SHISA6: variants seen among roughly 807,000 people sequenced by gnomAD.
The protein encoded by SHISA6 is shisa family member 6.
In SHISA6, 22 loss-of-function variants were observed where a neutral mutation model predicts 47.9. The observed-to-expected ratio is 0.46, with a 90% CI of 0.33 to 0.66. The LOEUF (loss-of-function observed/expected upper bound fraction) is 0.66, where lower values mean the gene tolerates loss of function less well. Among genes scored for constraint, SHISA6 ranks in the 30% least tolerant of loss-of-function variants. SHISA6 has a pLI of 0.02. For synonymous variants in SHISA6, 388 were observed against 337.8 expected (o/e 1.15, Z -1.63); for missense variants, 680 against 764.6 (o/e 0.89, Z 1.30).
At chr17:11,278,306 T>C (rs1908996631) in intron 2 of SHISA6, among the ~76,000 whole-genome samples, 2 of 152,168 alleles carry the variant, frequency 1.3e-5, no homozygotes, top group Non-Finnish European at 2.9e-5. Context: ...AGCCAAGGCA[T>C]TGGGGAAATC....
chr17:11,379,636 C>A, intron 3 of SHISA6, 127 bp downstream of exon 3: 1 of 621,984 alleles, frequency 1.6e-6, no homozygotes, highest in Non-Finnish European at 2.7e-6. Context: ...TCCATGGCAG[C>A]TTGTCCTGGT....
chr17:11,312,992 G>A (rs535376495), intron 2 of SHISA6, among the ~76,000 whole-genome samples: 2 of 152,214 alleles, frequency 1.3e-5, no homozygotes, highest in Non-Finnish European at 2.9e-5. Flanking sequence ...TGTACCATTT[G>A]CCAATTTCCC....
intron 3 of SHISA6, among the ~76,000 whole-genome samples, chr17:11,408,212 G>T (rs1914019266): frequency 6.6e-6 from 1 of 152,104 alleles, no homozygotes; most frequent in East Asian, 1.9e-4. Flanking sequence ...TCCTCCTTAT[G>T]CCACATGGGA....
intron 3 of SHISA6, among the ~76,000 whole-genome samples, chr17:11,459,055 A>G (rs527919544): frequency 9.3e-4 from 141 of 151,750 alleles, no homozygotes; most frequent in African/African-American, 3.1e-3. Context: ...ACTAAAAAAA[A>G]AAAATGCAAA....
chr17:11,555,921 C>T (rs1354467221), intron 5 of SHISA6, 29 bp downstream of exon 5: 1 of 1,502,594 alleles, frequency 6.7e-7, no homozygotes, highest in African/African-American at 1.4e-5. Context: ...AAGTTGGGGT[C>T]TGTCTCTGGG....
intron 2 of SHISA6, among the ~76,000 whole-genome samples, chr17:11,320,642 G>A (rs1019330197): frequency 1.2e-4 from 16 of 133,188 alleles, no homozygotes; most frequent in African/African-American, 4.4e-4. Flanking sequence ...TGGGCAACAA[G>A]AGCGAAACTC....
intron 3 of SHISA6, among the ~76,000 whole-genome samples, chr17:11,516,216 C>T (rs1250697007): frequency 6.6e-6 from 1 of 152,184 alleles, no homozygotes; most frequent in Non-Finnish European, 1.5e-5. Flanking sequence ...TCTAGTGCTA[C>T]ATAAGGATTG....
At position 11,302,813 on chromosome 17, in the gene SHISA6, G is replaced by A. The variant is rs557444670; in HGVS notation, c.799+39287G>A. ...GCAACAGCCCTACCCAGGGACCGAG[G>A]TTGCTATAGAAACAATATGGGGGTG... On this transcript the variant is annotated intron_variant, in intron 2 of 5. Coordinates refer to ENST00000441885, the MANE Select transcript of SHISA6 (RefSeq NM_207386.4). Among the ~76,000 whole-genome samples, 75 of 151,910 alleles carry A rather than the reference G, an allele frequency of 4.9e-4. 1 individual carries two copies. The highest frequency in any genetic ancestry group is 4.5e-3 in the Admixed American group (68 of 15,262).
intron 2 of SHISA6, among the ~76,000 whole-genome samples, chr17:11,330,370 C>T (rs914120170): frequency 1.3e-5 from 2 of 152,052 alleles, no homozygotes; most frequent in Non-Finnish European, 2.9e-5. Flanking sequence ...CACATCTGTT[C>T]CATCTGTGCT....
At chr17:11,481,497 GT>G (rs1555538537) in intron 3 of SHISA6, among the ~76,000 whole-genome samples, 210 of 77,422 alleles carry the variant, frequency 2.7e-3, no homozygotes, top group Admixed American at 5.2e-3. Flanking sequence ...ACTGAAGTTT[GT>G]TTTTTTTTTT....
chr17:11,391,054 A>G (rs560943603), intron 3 of SHISA6, among the ~76,000 whole-genome samples: 16 of 152,336 alleles, frequency 1.1e-4, no homozygotes, highest in African/African-American at 3.8e-4. Flanking sequence ...ATTACCTTGC[A>G]GGAAAAGAAG....
chr17:11,243,834 C>G (rs1176103895), intron 1 of SHISA6, among the ~76,000 whole-genome samples: 1 of 152,160 alleles, frequency 6.6e-6, no homozygotes, highest in Non-Finnish European at 1.5e-5. Context: ...CTCGTTGATT[C>G]CTACACATCT....
chr17:11,258,627 T>C lies in SHISA6; in HGVS notation c.639-4739T>C, dbSNP rs78962577. 9.5e-4 allele frequency among the ~76,000 whole-genome samples: 145 copies of C among 152,290 alleles called. 3 individuals are homozygous for C. In the East Asian group the frequency reaches 0.026, roughly 28 times the overall value. On this transcript the variant is annotated intron_variant, in intron 1 of 5. Coordinates refer to ENST00000441885, the MANE Select transcript of SHISA6 (RefSeq NM_207386.4). ...TAGATCCTGCCAGACTACTGGGAAA[T>C]GCTTGGAGGAACAGGGCCCTCACTT... is the stretch of plus-strand genomic sequence containing the variant.
intron 3 of SHISA6, among the ~76,000 whole-genome samples, chr17:11,436,616 C>T (rs577051490): frequency 3.9e-4 from 59 of 152,212 alleles, no homozygotes; most frequent in African/African-American, 1.3e-3. Flanking sequence ...TTTTTCTGCT[C>T]GACTTTAAAC....
chr17:11,316,329 C>CTTTTTT (rs66540376), intron 2 of SHISA6, among the ~76,000 whole-genome samples: 11 of 103,648 alleles, frequency 1.1e-4, no homozygotes, highest in East Asian at 3.0e-4. Flanking sequence ...ATTTTCAGGT[C>CTTTTTT]TTTTTTTTTT....
chr17:11,535,557 C>A (rs561958184), intron 3 of SHISA6, among the ~76,000 whole-genome samples: 1 of 152,160 alleles, frequency 6.6e-6, no homozygotes, highest in Non-Finnish European at 1.5e-5. Context: ...CAGTGTGAAC[C>A]TTTGTCCAAG....
At chr17:11,403,283 A>G (rs2142266046) in intron 3 of SHISA6, among the ~76,000 whole-genome samples, 1 of 152,352 alleles carries the variant, frequency 6.6e-6, no homozygotes, top group South Asian at 2.1e-4. Context: ...GCCATCAGGG[A>G]ACAGGATGGA....
chr17:11,449,947 C>T (rs993168623), intron 3 of SHISA6, among the ~76,000 whole-genome samples: 15 of 152,216 alleles, frequency 9.9e-5, no homozygotes, highest in African/African-American at 2.9e-4. Context: ...TGCAGTGGCG[C>T]GATCTCAGCT....
At chr17:11,503,416 G>A (rs937688514) in intron 3 of SHISA6, among the ~76,000 whole-genome samples, 1 of 152,156 alleles carries the variant, frequency 6.6e-6, no homozygotes, top group African/African-American at 2.4e-5. Context: ...GGGTGGGGCT[G>A]AGGGTCTGGA....
Sources: gnomAD v4.1 joint callset for allele counts (sites outside exome capture counted in the v4.1 genomes callset) on GRCh38, gnomAD v4.1.1 for gene constraint, MANE v1.5 for transcripts, NCBI Gene and HGNC (gene_info 2026-07-23, HGNC 2026-07-21) for gene names.